Variants in FAP observed in about 807,000 individuals in gnomAD.
The protein encoded by FAP is fibroblast activation protein alpha.
Under a neutral mutation model 126.5 loss-of-function variants are expected in FAP, and 110 were observed. The observed-to-expected ratio is 0.87, with a 90% CI of 0.74 to 1.02. FAP has a LOEUF of 1.02. Among genes scored for constraint, FAP ranks in the 50% least tolerant of loss-of-function variants. The pLI is 0.00. For synonymous variants in FAP, 334 were observed against 297.3 expected, an observed-to-expected ratio of 1.12 and a Z score of -1.27; for missense variants, 919 against 909.2, an observed-to-expected ratio of 1.01 and a Z score of -0.14.
intron 20 of FAP, among the ~76,000 whole-genome samples, chr2:162,184,177 C>A (rs542160280): frequency 6.6e-6 from 1 of 152,118 alleles, no homozygotes; most frequent in Non-Finnish European, 1.5e-5. Flanking sequence ...GGCTGGTGTT[C>A]TAGAGCAATT....
In FAP at chr2:162,173,713, A is replaced by T. The variant is rs538686931; in HGVS notation, c.2034+10T>A. On this transcript the variant is annotated intron_variant, in intron 23 of 25. Coordinates refer to ENST00000188790, the MANE Select transcript of FAP (RefSeq NM_004460.5). ...TTAATTATTAACCTAAATAAAATGG[A>T]AACACTTACCTTATAGTGCTCAAGA... 5.6e-5 allele frequency: 87 copies of T among 1,562,610 alleles called. No homozygotes were observed. The South Asian group carries it at 9.4e-4, about 17-fold the overall frequency.
chr2:162,225,706 T>A, intron 3 of FAP, 129 bp from the exon 4 acceptor site: 1 of 881,274 alleles, frequency 1.1e-6, no homozygotes, highest in Non-Finnish European at 1.6e-6. Flanking sequence ...TATTGCTTTG[T>A]GATATGTAAA....
chr2:162,211,913 GCA>G (rs142013685), intron 11 of FAP, among the ~76,000 whole-genome samples: 6 of 150,990 alleles, frequency 4.0e-5, no homozygotes, highest in African/African-American at 7.3e-5. Context: ...AAGTGTGTGC[GCA>G]CACACACACA....
intron 17 of FAP, among the ~76,000 whole-genome samples, chr2:162,191,138 G>A (rs1688025963): frequency 6.6e-6 from 1 of 151,918 alleles, no homozygotes; most frequent in South Asian, 2.1e-4. Flanking sequence ...ACACAGACTG[G>A]CTGATTGATT....
intron 2 of FAP, among the ~76,000 whole-genome samples, chr2:162,239,550 AG>A (rs1308819917): frequency 3.9e-5 from 6 of 152,146 alleles, no homozygotes; most frequent in African/African-American, 1.4e-4. Context: ...TCTGGGATAA[AG>A]GCTCTCTACT....
chr2:162,189,627 A>G (rs1223361599), intron 18 of FAP, 29 bp downstream of exon 18: 1 of 1,266,598 alleles, frequency 7.9e-7, no homozygotes, highest in East Asian at 2.3e-5. Context: ...CTTCATATCT[A>G]TAAATGAGAA....
rs376781426 is a variant in FAP, at chr2:162,214,041, G to A, written c.899C>T (p.Thr300Ile). Reference protein sequence around the residue: ...DYYFSWLTWVTDERVCLQWLK... With the variant: ...DYYFSWLTWVIDERVCLQWLK... ...CCACTGCAAACATACTCGTTCATCA[G>A]TAACCCACGTGAGCCAACTGAAATA... The change falls in exon 11 of 26, where the codon ACT (threonine) becomes ATT (isoleucine). Residue 300 changes from threonine (T) to isoleucine (I), a missense_variant. Transcript: ENST00000188790. 11 of 1,613,898 alleles carry A rather than the reference G, an allele frequency of 6.8e-6. No homozygotes were observed. Among genetic ancestry groups the A allele is most frequent in the Middle Eastern group, 1.6e-4 (1 of 6,082 alleles).
chr2:162,199,972 C>A (rs1169431289), intron 15 of FAP, among the ~76,000 whole-genome samples: 1 of 152,166 alleles, frequency 6.6e-6, no homozygotes, highest in African/African-American at 2.4e-5. Flanking sequence ...ACATTACCTG[C>A]TTCATAGTGC....
intron 18 of FAP, 129 bp from the exon 19 acceptor site, chr2:162,189,301 T>C (rs1004958165): frequency 7.9e-6 from 4 of 507,822 alleles, no homozygotes; most frequent in African/African-American, 4.0e-5. Context: ...TTAGGATATA[T>C]TTAAAAGTAA....
At chr2:162,186,916 T>C (rs540123810) in intron 20 of FAP, among the ~76,000 whole-genome samples, 3 of 152,036 alleles carry the variant, frequency 2.0e-5, no homozygotes, top group Admixed American at 2.0e-4. Context: ...AACAAGTGAA[T>C]AGTTGAAAGG....
intron 1 of FAP, 39 bp downstream of exon 1, chr2:162,243,283 C>G: frequency 6.8e-7 from 1 of 1,479,906 alleles, no homozygotes; most frequent in Non-Finnish European, 9.4e-7. Flanking sequence ...TCCAGCCAAC[C>G]CTAATTTTTT....
chr2:162,203,236 T>C (rs542043820), intron 12 of FAP, 91 bp from the exon 13 acceptor site: 89 of 718,970 alleles, frequency 1.2e-4, no homozygotes, highest in Admixed American at 4.8e-4. Context: ...CGTATGGTCA[T>C]AGTTATAGGA....
intron 21 of FAP, 29 bp from the exon 22 acceptor site, chr2:162,174,995 C>A: frequency 6.7e-7 from 1 of 1,492,126 alleles, no homozygotes; most frequent in South Asian, 1.1e-5. Context: ...GAGTCAGACT[C>A]AGATTTACTT....
At chr2:162,221,960 C>A (rs1689423244) in intron 6 of FAP, among the ~76,000 whole-genome samples, 1 of 150,336 alleles carries the variant, frequency 6.7e-6, no homozygotes, top group Admixed American at 6.6e-5. Context: ...ACCTGACCAC[C>A]CCCCCACCAA....
chr2:162,219,031 AG>A (rs1207227342), intron 8 of FAP, 31 bp downstream of exon 8: 1 of 1,533,104 alleles, frequency 6.5e-7, no homozygotes, highest in Non-Finnish European at 8.8e-7. Flanking sequence ...AAAAGCCTAA[AG>A]CATTAGCAGT....
At position 162,173,185 on chromosome 2, in the gene FAP, T is replaced by G. The variant is rs1426541064; in HGVS notation, c.2071A>C (p.Asn691His). The change falls in exon 24 of 26, where the codon AAT becomes CAT. Residue 691 changes from asparagine (N) to histidine (H), a missense_variant. By Grantham distance (68) the Asn-to-His change is moderately conservative. Transcript: ENST00000188790. ...CCGTGGATGAGAAGATAGTCTACATTTCTGAAATATTCTGCTCTTGCCATC... is the reference window on the plus strand; with the variant it reads ...CCGTGGATGAGAAGATAGTCTACATGTCTGAAATATTCTGCTCTTGCCATC... ...TVMARAEYFR[N>H]VDYLLIHGTA... 4.3e-6 allele frequency: 7 copies of G among 1,613,066 alleles called. No individual in the cohort carries two copies. In the Admixed American group the frequency reaches 1.2e-4, roughly 27 times the overall value.
intron 1 of FAP, 130 bp from the exon 2 acceptor site, chr2:162,243,122 G>T: frequency 1.2e-6 from 1 of 834,288 alleles, no homozygotes; most frequent in Non-Finnish European, 1.9e-6. Context: ...CACTGATCCG[G>T]CTATAATTGC....
Position 162,189,679 on chromosome 2 carries a change from T to G in FAP, c.1526A>C (p.Lys509Thr). 6.3e-7 allele frequency: 1 copy of G among 1,580,408 alleles called. No individual in the cohort carries two copies. Among genetic ancestry groups the G allele is most frequent in the African/African-American group, 1.4e-5 (1 of 73,792 alleles). The change falls in exon 18 of 26, where the codon AAG becomes ACG. Residue 509 changes from lysine to threonine, a missense_variant. Physicochemically the swap from Lys to Thr is moderately conservative, Grantham distance 78 (BLOSUM62 -1). Transcript: ENST00000188790. ...ACTAATTTCATCTACTTCAAGTTTC[T>G]TAATTTCCTCTTTAGGCAGCTGGAT... is the stretch of plus-strand genomic sequence containing the variant. Reference protein sequence around the residue: ...KNIQLPKEEIKKLEVDEITLW... With the variant: ...KNIQLPKEEITKLEVDEITLW...
chr2:162,240,379 T>C (rs1453115861), intron 2 of FAP, among the ~76,000 whole-genome samples: 1 of 152,248 alleles, frequency 6.6e-6, no homozygotes, highest in Non-Finnish European at 1.5e-5. Flanking sequence ...TGAAGCTGGT[T>C]CTCCTGGGAT....
Sources: gnomAD v4.1 joint callset for allele counts (sites outside exome capture counted in the v4.1 genomes callset) on GRCh38, gnomAD v4.1.1 for gene constraint, MANE v1.5 for transcripts, NCBI Gene and HGNC (gene_info 2026-07-23, HGNC 2026-07-21) for gene names.